Variants in FOXK1 observed in about 807,000 individuals in gnomAD.
The protein encoded by FOXK1 is forkhead box protein K1.
A neutral mutation model predicts 51.9 loss-of-function variants in FOXK1; 19 were observed. The ratio of observed to expected loss-of-function variants is 0.37; its 90% CI spans 0.26 to 0.54. FOXK1 has a LOEUF of 0.54. Ranked by LOEUF, FOXK1 falls within the 20% of genes least tolerant of loss-of-function variation. The pLI is 0.87. For synonymous variants in FOXK1, 537 were observed against 482.6 expected, an observed-to-expected ratio of 1.11 and a Z score of -1.48; for missense variants, 870 against 1,032.7, an observed-to-expected ratio of 0.84 and a Z score of 2.16.
chr7:4,708,030 T>G (rs542522740), intron 1 of FOXK1, among the ~76,000 whole-genome samples: 27 of 151,786 alleles, frequency 1.8e-4, no homozygotes, highest in Middle Eastern at 3.4e-3. Context: ...AGGGAGAGAG[T>G]GCCCTGGTGC....
chr7:4,759,486 C>T lies in FOXK1; in HGVS notation c.1587C>T (p.Thr529=). Residue 529 remains threonine, a synonymous_variant, in exon 7 of 9, where the codon ACC becomes ACT. Transcript: ENST00000328914. ...CCGTCACCATGGTCAGGGTGGTCAC[C>T]ACATCTGCCAACTCGGCCAACGGAT... is the stretch of plus-strand genomic sequence containing the variant. ...APTVTMVRVV[T]TSANSANGYI... is the part of the protein sequence containing the mutation. 3 of 1,583,992 alleles carry T rather than the reference C, an allele frequency of 1.9e-6. No individual in the cohort carries two copies. Among genetic ancestry groups the T allele is most frequent in the South Asian group, 1.1e-5 (1 of 87,980 alleles).
intron 1 of FOXK1, among the ~76,000 whole-genome samples, chr7:4,738,104 A>T (rs1780579036): frequency 6.7e-6 from 1 of 150,220 alleles, no homozygotes; most frequent in Non-Finnish European, 1.5e-5. Context: ...CCTGGGCAAT[A>T]AGAGCCAAAC....
At chr7:4,718,733 A>G (rs1303783703) in intron 1 of FOXK1, among the ~76,000 whole-genome samples, 1 of 152,218 alleles carries the variant, frequency 6.6e-6, no homozygotes, top group Non-Finnish European at 1.5e-5. Flanking sequence ...TGAGAAGCCC[A>G]GTGTCTCTGC....
chr7:4,713,570 C>T (rs1354336829), intron 1 of FOXK1, among the ~76,000 whole-genome samples: 1 of 151,822 alleles, frequency 6.6e-6, no homozygotes, highest in Non-Finnish European at 1.5e-5. Flanking sequence ...CGGCTCACCA[C>T]AACCTCCCCC....
rs1338458719 is a variant in FOXK1 at position 4,771,375 on chromosome 7, G to T, written c.*8911G>T. ...TATTAAATTGTTGTATGTGGATGGG[G>T]AAGTTTTGTTTCTCCTCTTAGCATT... On this transcript the variant is annotated 3_prime_UTR_variant, in exon 9 of 9. Transcript: ENST00000328914. 6.6e-6 allele frequency: 1 copy of T among 152,472 alleles called. No homozygotes were observed. The allele number at this position is 152,472 out of a possible 1,614,324, so 9.4% of individuals were successfully genotyped here. A position where few individuals can be genotyped will look rare whatever the true frequency, so the allele number is the denominator to read the frequency against.
rs555576111 is a variant in FOXK1, at chr7:4,730,100, C to T, written c.561-10738C>T. Among the ~76,000 whole-genome samples the T allele has an allele frequency of 3.5e-4, 53 of 152,206 alleles. No homozygotes were observed. The highest frequency in any genetic ancestry group is 6.2e-4 in the Non-Finnish European group (42 of 68,036). ...ACTCAGCATATGGGCTTGAGTATCTCGCTGTCTTTTCTTTTTCCAAATAGG... is the reference window on the plus strand; with the variant it reads ...ACTCAGCATATGGGCTTGAGTATCTTGCTGTCTTTTCTTTTTCCAAATAGG... On this transcript the variant is annotated intron_variant, in intron 1 of 8. Transcript: ENST00000328914. The surrounding 1 kb of genome is among the most constrained non-coding windows in gnomAD (Gnocchi z 4.7).
In FOXK1 at chr7:4,769,798, T is replaced by C. The variant is rs917733323; in HGVS notation, c.*7334T>C. 1 of 152,252 alleles carries C rather than the reference T, an allele frequency of 6.6e-6. No individual in the cohort carries two copies. The highest frequency in any genetic ancestry group is 1.5e-5 in the Non-Finnish European group (1 of 68,054). 9.4% of individuals were successfully genotyped at this position (152,252 alleles called of 1,614,324 possible). A position where few individuals can be genotyped will look rare whatever the true frequency, so the allele number is the denominator to read the frequency against. On this transcript the variant is annotated 3_prime_UTR_variant, in exon 9 of 9. Transcript: ENST00000328914. This position sits in a 1 kb window ranked among gnomAD's most constrained non-coding sequence, Gnocchi z 4.1. ...TGTTTTTTGTTGTTTTGTTTTGTTT[T>C]AGCGTGATACTACAATGGAAAGACT...
intron 1 of FOXK1, among the ~76,000 whole-genome samples, chr7:4,705,974 G>GTGTA (rs1780088596): frequency 3.0e-5 from 2 of 67,700 alleles, no homozygotes; most frequent in African/African-American, 1.7e-4. Context: ...ATATATATAC[G>GTGTA]TATATATACG....
rs1341667615 is a variant in FOXK1, at chr7:4,759,474, C to T, written c.1575C>T (p.Val525=). The T allele has an allele frequency of 1.3e-6, 2 of 1,587,104 alleles. No homozygotes were observed. Among genetic ancestry groups the T allele is most frequent in the African/African-American group, 1.3e-5 (1 of 74,588 alleles). The change falls in exon 7 of 9, where the codon GTC becomes GTT. Residue 525 remains valine (V), a synonymous_variant. Coordinates refer to ENST00000328914, the MANE Select transcript of FOXK1 (RefSeq NM_001037165.2). ...AGCAGGCCCCCACCGTCACCATGGT[C>T]AGGGTGGTCACCACATCTGCCAACT... ...VVQQAPTVTM[V]RVVTTSANSA...
chr7:4,754,222 C>T (rs115582791), intron 2 of FOXK1, among the ~76,000 whole-genome samples: 2,060 of 152,298 alleles, frequency 0.014, 49 homozygotes, highest in African/African-American at 0.047. Context: ...GAGGAGGGCC[C>T]GCGGTGCTCT....
At chr7:4,738,202 C>T (rs913411523) in intron 1 of FOXK1, among the ~76,000 whole-genome samples, 7 of 151,638 alleles carry the variant, frequency 4.6e-5, no homozygotes, top group East Asian at 1.9e-4. Flanking sequence ...TTTGGGAAGC[C>T]GAGGTGGTTG....
At chr7:4,760,642 G>A (rs541592868) in intron 7 of FOXK1, among the ~76,000 whole-genome samples, 1 of 152,342 alleles carries the variant, frequency 6.6e-6, no homozygotes, top group South Asian at 2.1e-4. Context: ...CTTGAGGTCA[G>A]AAGTTCAAGA....
chr7:4,761,306 T>C lies in FOXK1; in HGVS notation c.1921+18T>C, dbSNP rs746690014. 2 of 1,604,892 alleles carry C rather than the reference T, an allele frequency of 1.2e-6. No individual in the cohort carries two copies. Among genetic ancestry groups the C allele is most frequent in the Non-Finnish European group, 1.7e-6 (2 of 1,176,756 alleles). On this transcript the variant is annotated intron_variant, in intron 8 of 8. Transcript: ENST00000328914. The surrounding 1 kb of genome is among the most constrained non-coding windows in gnomAD (Gnocchi z 6.2). ...CGCTTACGGTGAGGCCCTGGCCCTG[T>C]TCTCCATGCCACATCCCAAGCTCTG...
In FOXK1 at chr7:4,707,255, G is replaced by A. The variant is rs150445590; in HGVS notation, c.560+24387G>A. On this transcript the variant is annotated intron_variant, in intron 1 of 8. Transcript: ENST00000328914. This position sits in a 1 kb window ranked among gnomAD's most constrained non-coding sequence, Gnocchi z 4.1. Reference sequence around the variant, plus strand: ...CTCAGGGCGTTCGGGGTGGTGTTCTGGTGGAGGGGACGCTGGTAAAGAGCA... The same window carrying A: ...CTCAGGGCGTTCGGGGTGGTGTTCTAGTGGAGGGGACGCTGGTAAAGAGCA... 4.1e-4 allele frequency among the ~76,000 whole-genome samples: 62 copies of A among 152,242 alleles called. No homozygotes were observed. The highest frequency in any genetic ancestry group is 1.4e-3 in the African/African-American group (59 of 41,550).
At chr7:4,737,755 G>A (rs951885880) in intron 1 of FOXK1, among the ~76,000 whole-genome samples, 3 of 152,170 alleles carry the variant, frequency 2.0e-5, no homozygotes, top group Non-Finnish European at 4.4e-5. Context: ...GGTGGATGTC[G>A]GCTCTGGGAC....
At chr7:4,754,643 A>C (rs749498548) in intron 3 of FOXK1, 28 bp downstream of exon 3, 2 of 1,593,216 alleles carry the variant, frequency 1.3e-6, no homozygotes, top group Non-Finnish European at 8.5e-7. Flanking sequence ...GCCGTGGTGC[A>C]CCTGGTGACC....
intron 1 of FOXK1, 27 bp from the exon 2 acceptor site, chr7:4,740,811 T>C: frequency 6.3e-7 from 1 of 1,587,454 alleles, no homozygotes; most frequent in Non-Finnish European, 8.6e-7. Context: ...CTCCTGCACC[T>C]CACACCCGCT....
intron 1 of FOXK1, among the ~76,000 whole-genome samples, chr7:4,726,997 T>C (rs1413186768): frequency 6.6e-6 from 1 of 152,182 alleles, no homozygotes; most frequent in Non-Finnish European, 1.5e-5. Context: ...CAGGTTGGAG[T>C]GCAGTGGCAC....
In FOXK1 at chr7:4,768,420, C is replaced by CA. The variant is rs1781048754; in HGVS notation, c.*5956_*5957insA. On this transcript the variant is annotated 3_prime_UTR_variant, in exon 9 of 9. Transcript: ENST00000328914. ...GTGCTGGGATTACAGGCGTGAGCCA[C>CA]CGCGCCCGGCCCACTGACTTCTTTA... 2 of 138,424 alleles carry CA rather than the reference C, an allele frequency of 1.4e-5. 1 individual carries two copies. Among genetic ancestry groups the CA allele is most frequent in the African/African-American group, 6.9e-5 (2 of 29,192 alleles). The allele number at this position is 138,424 out of a possible 1,614,324, so 8.6% of individuals were successfully genotyped here. A position where few individuals can be genotyped will look rare whatever the true frequency, so the allele number is the denominator to read the frequency against.
Sources: allele counts gnomAD v4.1 joint callset (sites outside exome capture counted in the v4.1 genomes callset), GRCh38; gene constraint gnomAD v4.1.1; non-coding constraint Gnocchi (gnomAD v3.1); transcripts MANE v1.5; gene names NCBI Gene and HGNC (gene_info 2026-07-23, HGNC 2026-07-21).